The following CDH18 variants were observed in gnomAD, a reference collection of about 807,000 sequenced individuals.
The protein encoded by CDH18 is cadherin-18.
CDH18 carries 31 observed loss-of-function variants against 67.9 expected under a neutral mutation model. The ratio of observed to expected loss-of-function variants is 0.46; its 90% CI spans 0.34 to 0.62. The LOEUF (loss-of-function observed/expected upper bound fraction) is 0.62. CDH18 is among the 20% of genes least tolerant of loss of function. The probability of loss-of-function intolerance (pLI) is 0.01; values close to 1 mark genes in which losing one functional copy is unlikely to be tolerated. For synonymous variants in CDH18, 362 were observed against 347.2 expected (o/e 1.04, Z -0.48); for missense variants, 890 against 975.5 (o/e 0.91, Z 1.17).
intron 9 of CDH18, among the ~76,000 whole-genome samples, chr5:19,542,839 A>G (rs1750490207): frequency 6.6e-6 from 1 of 152,150 alleles, no homozygotes; most frequent in East Asian, 1.9e-4. Context: ...TGGTTATGGT[A>G]ATGGATGTGT....
intron 2 of CDH18, among the ~76,000 whole-genome samples, chr5:20,033,045 T>A (rs546936164): frequency 1.3e-5 from 2 of 152,120 alleles, no homozygotes; most frequent in Admixed American, 1.3e-4. Flanking sequence ...TATCTCCCAA[T>A]ATTTTCCTTG....
chr5:20,500,201 G>A (rs559135884), intron 1 of CDH18, among the ~76,000 whole-genome samples: 11 of 151,932 alleles, frequency 7.2e-5, no homozygotes, highest in Non-Finnish European at 1.5e-4. Flanking sequence ...AGTTCTATAG[G>A]CACTCAAACA....
intron 1 of CDH18, among the ~76,000 whole-genome samples, chr5:20,438,793 C>T (rs1749374063): frequency 6.6e-6 from 1 of 151,380 alleles, no homozygotes; most frequent in African/African-American, 2.4e-5. Flanking sequence ...AGTCTTTCCA[C>T]CTGTTCCACC....
At chr5:19,905,820 G>C (rs972541162) in intron 2 of CDH18, among the ~76,000 whole-genome samples, 1 of 151,860 alleles carries the variant, frequency 6.6e-6, no homozygotes, top group Non-Finnish European at 1.5e-5. Context: ...AAGGCTGACA[G>C]AGAATCAAAG....
chr5:19,988,337 T>C, upstream of CDH18: 1 of 154,784 alleles, frequency 6.5e-6, no homozygotes, highest in African/African-American at 2.4e-5. Flanking sequence ...TCTCCCTGGC[T>C]CTCCTCTCCG....
At chr5:19,555,703 A>T (rs769712472) in intron 8 of CDH18, among the ~76,000 whole-genome samples, 81 of 152,282 alleles carry the variant, frequency 5.3e-4, no homozygotes, top group Admixed American at 1.0e-3. Context: ...AGCCCAGGAC[A>T]AAGTACATAA....
chr5:19,733,054 A>G (rs1014473890), intron 4 of CDH18, among the ~76,000 whole-genome samples: 2 of 152,048 alleles, frequency 1.3e-5, no homozygotes, highest in Non-Finnish European at 2.9e-5. Context: ...CCCTATTCTA[A>G]CAGCAGTTAG....
intron 5 of CDH18, among the ~76,000 whole-genome samples, chr5:19,640,854 A>C (rs752694105): frequency 6.6e-6 from 1 of 152,172 alleles, no homozygotes; most frequent in African/African-American, 2.4e-5. Flanking sequence ...GATTATAACT[A>C]AATCAGCTGG....
chr5:19,529,077 A>G (rs1376081191), intron 9 of CDH18, among the ~76,000 whole-genome samples: 1 of 151,958 alleles, frequency 6.6e-6, no homozygotes, highest in Admixed American at 6.5e-5. Context: ...AAAAAAGAAA[A>G]TAGATAATGC....
At chr5:19,517,241 C>A (rs1746174751) in intron 10 of CDH18, among the ~76,000 whole-genome samples, 1 of 152,004 alleles carries the variant, frequency 6.6e-6, no homozygotes, top group South Asian at 2.1e-4. Context: ...TGTGGAATAT[C>A]TTTTTATATG....
At chr5:20,313,316 C>A (rs949265726) in intron 1 of CDH18, among the ~76,000 whole-genome samples, 1 of 152,018 alleles carries the variant, frequency 6.6e-6, no homozygotes, top group African/African-American at 2.4e-5. Context: ...CTACTGACTT[C>A]CCCTTCTTCT....
At chr5:20,089,284 T>C (rs534405628) in intron 2 of CDH18, among the ~76,000 whole-genome samples, 11 of 152,128 alleles carry the variant, frequency 7.2e-5, no homozygotes, top group Admixed American at 7.2e-4. Context: ...GGTACCCTGG[T>C]AAAATAAAAA....
At chr5:20,304,381 A>C in intron 1 of CDH18, 1 of 1,441,466 alleles carries the variant, frequency 6.9e-7, no homozygotes, top group Non-Finnish European at 9.8e-7. Context: ...TGGAGTAAAA[A>C]GCATCTTCTT....
intron 4 of CDH18, among the ~76,000 whole-genome samples, chr5:19,743,737 A>G (rs925012309): frequency 4.6e-5 from 7 of 152,092 alleles, no homozygotes; most frequent in African/African-American, 1.7e-4. Context: ...CCTGGCCAAC[A>G]TGGCAAGACC....
At chr5:20,319,672 T>C (rs1327901188) in intron 1 of CDH18, among the ~76,000 whole-genome samples, 1 of 152,200 alleles carries the variant, frequency 6.6e-6, no homozygotes, top group Non-Finnish European at 1.5e-5. Flanking sequence ...TTGAGGTACA[T>C]GTAGCTACTC....
intron 1 of CDH18, among the ~76,000 whole-genome samples, chr5:20,460,393 A>G (rs991233842): frequency 9.1e-6 from 1 of 109,808 alleles, no homozygotes; most frequent in Non-Finnish European, 1.8e-5. Flanking sequence ...CTCCATCTCT[A>G]AATACATAAA....
chr5:20,520,501 T>C (rs1188297516), intron 1 of CDH18, among the ~76,000 whole-genome samples: 1 of 152,072 alleles, frequency 6.6e-6, no homozygotes, highest in Non-Finnish European at 1.5e-5. Flanking sequence ...TGGCCACTCT[T>C]GAGAGGAATG....
intron 3 of CDH18, among the ~76,000 whole-genome samples, chr5:19,751,650 T>A (rs1247429362): frequency 6.6e-6 from 1 of 152,140 alleles, no homozygotes; most frequent in African/African-American, 2.4e-5. Context: ...GTAACTGATG[T>A]GAAATAAAAC....
chr5:19,701,501 G>A (rs939977530), intron 5 of CDH18, among the ~76,000 whole-genome samples: 3 of 151,966 alleles, frequency 2.0e-5, no homozygotes, highest in Non-Finnish European at 2.9e-5. Flanking sequence ...GAATTTGGAG[G>A]TATTTAATTT....
Sources: allele counts gnomAD v4.1 joint callset (sites outside exome capture counted in the v4.1 genomes callset), GRCh38; gene constraint gnomAD v4.1.1; transcripts MANE v1.5; gene names NCBI Gene and HGNC (gene_info 2026-07-23, HGNC 2026-07-21).